OLA1: variants seen among roughly 807,000 people sequenced by gnomAD.
OLA1 encodes the protein obg-like ATPase 1.
In OLA1, 14 loss-of-function variants were observed where a neutral mutation model predicts 48.4. The ratio of observed to expected loss-of-function variants is 0.29; its 90% CI spans 0.19 to 0.45. The LOEUF is 0.45. Ranked by LOEUF, OLA1 falls within the 20% of genes least tolerant of loss-of-function variation. The probability of loss-of-function intolerance (pLI) is 1.00; values close to 1 mark genes in which losing one functional copy is unlikely to be tolerated. For synonymous variants in OLA1, 127 were observed against 150.4 expected (o/e 0.84, Z 1.14); for missense variants, 325 against 467.1 (o/e 0.70, Z 2.80).
chr2:174,120,983 G>A (rs1327750592), intron 7 of OLA1, among the ~76,000 whole-genome samples: 1 of 152,036 alleles, frequency 6.6e-6, no homozygotes, highest in African/African-American at 2.4e-5. Context: ...TTTTTCTTTT[G>A]CTAAAGAAGC....
intron 4 of OLA1, among the ~76,000 whole-genome samples, chr2:174,221,970 C>T (rs1455661384): frequency 6.6e-6 from 1 of 152,130 alleles, no homozygotes; most frequent in Non-Finnish European, 1.5e-5. Context: ...GAGGTCTCAC[C>T]ATACCTTCAC....
chr2:174,167,481 A>G (rs1433034207), intron 4 of OLA1, among the ~76,000 whole-genome samples: 1 of 152,114 alleles, frequency 6.6e-6, no homozygotes, highest in Non-Finnish European at 1.5e-5. Context: ...GAGGCTGAGG[A>G]AGCAGAATCG....
At chr2:174,131,066 A>C (rs1686169370) in intron 5 of OLA1, among the ~76,000 whole-genome samples, 1 of 152,226 alleles carries the variant, frequency 6.6e-6, no homozygotes, top group Admixed American at 6.5e-5. Context: ...CCAGAGAATG[A>C]ACACGTCTGT....
chr2:174,219,313 A>G (rs916847333), intron 4 of OLA1, among the ~76,000 whole-genome samples: 1 of 149,706 alleles, frequency 6.7e-6, no homozygotes, highest in Non-Finnish European at 1.5e-5. Flanking sequence ...AGTATTCTAT[A>G]TTGTTTATGC....
At chr2:174,234,833 G>C (rs1688808645) in intron 2 of OLA1, among the ~76,000 whole-genome samples, 1 of 152,042 alleles carries the variant, frequency 6.6e-6, no homozygotes, top group African/African-American at 2.4e-5. Context: ...ATACAGACTA[G>C]ATTAGAATTC....
chr2:174,194,848 T>A (rs1427360277), intron 4 of OLA1, among the ~76,000 whole-genome samples: 2 of 152,162 alleles, frequency 1.3e-5, no homozygotes, highest in Non-Finnish European at 2.9e-5. Context: ...AAAACATACA[T>A]ACATTTACCA....
At position 174,141,790 on chromosome 2, in the gene OLA1, TTGAG is replaced by T. The variant is rs1384412552; in HGVS notation, c.549+31_549+34del. 8 of 1,487,978 alleles carry T rather than the reference TTGAG, an allele frequency of 5.4e-6. No homozygotes were observed. The African/African-American group carries it at 8.5e-5, about 16-fold the overall frequency. The allele number at this position is 1,487,978 out of a possible 1,614,324, so 92.2% of individuals were successfully genotyped here. A position where few individuals can be genotyped will look rare whatever the true frequency, so the allele number is the denominator to read the frequency against. ...AAATTTAATCAAGAAAAATAAACTCTTGAGTATCTAAAGAAGCTGTAAATTTTTA... is the reference window on the plus strand; with the variant it reads ...AAATTTAATCAAGAAAAATAAACTCTTATCTAAAGAAGCTGTAAATTTTTA... On this transcript the variant is annotated intron_variant, in intron 5 of 10. Transcript: ENST00000284719.
At chr2:174,112,676 G>C (rs953457135) in intron 7 of OLA1, among the ~76,000 whole-genome samples, 1 of 152,110 alleles carries the variant, frequency 6.6e-6, no homozygotes, top group African/African-American at 2.4e-5. Flanking sequence ...CTGATACAGA[G>C]AATGAGTTTG....
chr2:174,075,640 G>C (rs1454482329), intron 10 of OLA1, 113 bp from the exon 11 acceptor site: 6 of 645,294 alleles, frequency 9.3e-6, no homozygotes, highest in Non-Finnish European at 1.6e-5. Context: ...TATAAAAAAA[G>C]AAAAAATGAA....
At chr2:174,139,879 AAG>A (rs534878251) in intron 5 of OLA1, among the ~76,000 whole-genome samples, 11,751 of 138,058 alleles carry the variant, frequency 0.085, 1,501 homozygotes, top group East Asian at 0.65. Flanking sequence ...AAAAAAAAAA[AAG>A]AAAGAAAGAA....
chr2:174,203,731 A>G (rs1688044044), intron 4 of OLA1, among the ~76,000 whole-genome samples: 1 of 152,040 alleles, frequency 6.6e-6, no homozygotes, highest in Non-Finnish European at 1.5e-5. Flanking sequence ...ACTGAAATAC[A>G]TACACTTTAA....
chr2:174,139,054 T>C (rs1040732268), intron 5 of OLA1, among the ~76,000 whole-genome samples: 1 of 152,220 alleles, frequency 6.6e-6, no homozygotes, highest in African/African-American at 2.4e-5. Flanking sequence ...GTACATACAC[T>C]TAAATAGATT....
intron 7 of OLA1, among the ~76,000 whole-genome samples, chr2:174,115,303 T>G (rs1403405604): frequency 2.6e-5 from 4 of 152,174 alleles, no homozygotes; most frequent in African/African-American, 9.7e-5. Flanking sequence ...TTTTAAAAAG[T>G]GCTTCATAAT....
At position 174,193,989 on chromosome 2, in the gene OLA1, T is replaced by C. The variant is rs562175359; in HGVS notation, c.373+29044A>G. On this transcript the variant is annotated intron_variant, in intron 4 of 10. Coordinates refer to ENST00000284719, the MANE Select transcript of OLA1 (RefSeq NM_013341.5). The stretch of plus-strand genomic sequence containing the variant: ...TGGGCCCCGCATATTCCTGACAAAG[T>C]AGACACACACACGTGCACGCACTTT... Among the ~76,000 whole-genome samples the C allele has an allele frequency of 2.3e-4, 35 of 152,240 alleles. 1 individual carries two copies. In the South Asian group the frequency reaches 6.6e-3, roughly 29 times the overall value.
At position 174,223,188 on chromosome 2, in the gene OLA1, A is replaced by G. The variant is rs758885037; in HGVS notation, c.246-28T>C. The stretch of plus-strand genomic sequence containing the variant: ...GAAAAACAAAAGATGGCTTTATTAT[A>G]AAACAGTACTAAAAACTTATCTATC... On this transcript the variant is annotated intron_variant, in intron 3 of 10. Transcript: ENST00000284719. 8 of 1,605,880 alleles carry G rather than the reference A, an allele frequency of 5.0e-6. No homozygotes were observed. The Admixed American group carries it at 6.8e-5, about 14-fold the overall frequency.
chr2:174,235,400 G>GT (rs962414473), intron 2 of OLA1, among the ~76,000 whole-genome samples: 1 of 152,150 alleles, frequency 6.6e-6, no homozygotes, highest in Admixed American at 6.6e-5. Context: ...ATTTAAAATG[G>GT]TTTTGGGGAG....
At chr2:174,139,127 A>G (rs1358781004) in intron 5 of OLA1, among the ~76,000 whole-genome samples, 1 of 152,242 alleles carries the variant, frequency 6.6e-6, no homozygotes, top group African/African-American at 2.4e-5. Context: ...TGATACTCAG[A>G]AAGTGAACTT....
At chr2:174,100,622 G>T (rs1300772136) in intron 7 of OLA1, among the ~76,000 whole-genome samples, 1 of 151,998 alleles carries the variant, frequency 6.6e-6, no homozygotes, top group Non-Finnish European at 1.5e-5. Flanking sequence ...TACCTATGCT[G>T]GTCTTGAACT....
intron 4 of OLA1, among the ~76,000 whole-genome samples, chr2:174,176,591 G>C (rs1021316191): frequency 6.6e-6 from 1 of 152,018 alleles, no homozygotes; most frequent in Admixed American, 6.6e-5. Context: ...TCAATGACCA[G>C]GGGCTTTTCT....
Sources: gnomAD v4.1 joint callset for allele counts (sites outside exome capture counted in the v4.1 genomes callset) on GRCh38, gnomAD v4.1.1 for gene constraint, MANE v1.5 for transcripts, NCBI Gene and HGNC (gene_info 2026-07-23, HGNC 2026-07-21) for gene names.